UVRAG: variants seen among roughly 807,000 people sequenced by gnomAD.
The protein encoded by UVRAG is UV radiation resistance associated, also known as UV radiation resistance-associated gene protein.
A neutral mutation model predicts 78.0 loss-of-function variants in UVRAG; 19 were observed. The ratio of observed to expected loss-of-function variants is 0.24; its 90% CI spans 0.17 to 0.36. The LOEUF (loss-of-function observed/expected upper bound fraction) is 0.36. Among genes scored for constraint, UVRAG ranks in the 10% least tolerant of loss-of-function variants. The pLI, the probability that UVRAG is intolerant of heterozygous loss-of-function variation, is 1.00. For missense variants in UVRAG, 740 were observed against 853.8 expected (o/e 0.87, Z 1.66); for synonymous variants, 323 against 324.6 (o/e 1.00, Z 0.05).
Position 75,815,412 on chromosome 11 carries a change from G to C in UVRAG, c.5G>C (p.Ser2Thr). 8.0e-7 allele frequency: 1 copy of C among 1,247,392 alleles called. No homozygotes were observed. The allele number at this position is 1,247,392 out of a possible 1,614,324, so 77.3% of individuals were successfully genotyped here. MSASASVGGPVP... is the reference protein window; with the variant it reads MTASASVGGPVP... The stretch of plus-strand genomic sequence containing the variant: ...CTTGGCGGCCCCTGGATCGAGATGA[G>C]CGCCTCCGCGTCGGTCGGGGGCCCC... Residue 2 changes from serine (S) to threonine (T), a missense_variant, in exon 1 of 15, where the codon AGC (serine) becomes ACC (threonine). Coordinates refer to ENST00000356136, the MANE Select transcript of UVRAG (RefSeq NM_003369.4).
chr11:76,134,029 C>T (rs576202160), intron 14 of UVRAG, among the ~76,000 whole-genome samples: 11 of 150,600 alleles, frequency 7.3e-5, no homozygotes, highest in South Asian at 2.1e-4. Context: ...TCTCGGTTCA[C>T]GCAACCTCCA....
At chr11:75,902,976 T>TC (rs1194850632) in intron 5 of UVRAG, among the ~76,000 whole-genome samples, 3 of 152,250 alleles carry the variant, frequency 2.0e-5, no homozygotes, top group Admixed American at 2.0e-4. Flanking sequence ...GCTAGATGTG[T>TC]CCAACTCTCT....
chr11:76,012,837 GTGTGTGTGTGTT>G (rs1382915507), intron 11 of UVRAG: 1 of 149,068 alleles, frequency 6.7e-6, no homozygotes, highest in Non-Finnish European at 1.5e-5. Context: ...GTGTGTGTGT[GTGTGTGTGTGTT>G]TAAGTAATCC....
At chr11:75,883,383 G>GAAAAGAAAAAAAAAAAAAAAAA (rs1946996380) in intron 4 of UVRAG, among the ~76,000 whole-genome samples, 2 of 105,824 alleles carry the variant, frequency 1.9e-5, no homozygotes, top group Non-Finnish European at 4.0e-5. Flanking sequence ...AAAAAAAAAA[G>GAAAAGAAAAAAAAAAAAAAAAA]AAAAGAAAAA....
intron 4 of UVRAG, among the ~76,000 whole-genome samples, chr11:75,881,959 T>G (rs1469133304): frequency 6.6e-6 from 1 of 152,160 alleles, no homozygotes; most frequent in Non-Finnish European, 1.5e-5. Flanking sequence ...CCTGGCTGAT[T>G]TAAAAATTCA....
At chr11:75,826,234 C>T (rs1447429767) in intron 1 of UVRAG, among the ~76,000 whole-genome samples, 1 of 152,194 alleles carries the variant, frequency 6.6e-6, no homozygotes, top group Non-Finnish European at 1.5e-5. Flanking sequence ...TGGCTCACTG[C>T]AACCTCTGTC....
In UVRAG at chr11:76,130,099, C is replaced by G. The variant is rs567486833; in HGVS notation, c.1398-10612C>G. Among the ~76,000 whole-genome samples, 3 of 152,274 alleles carry G rather than the reference C, an allele frequency of 2.0e-5. No individual in the cohort carries two copies. In the South Asian group the frequency reaches 6.2e-4, roughly 32 times the overall value. On this transcript the variant is annotated intron_variant, in intron 14 of 14. Transcript: ENST00000356136. Reference sequence around the variant, plus strand: ...TGGGTCCTCAAACATTGTTATCTTTCTTGATAAAAGGTCTTAGCAAATGCT... The same window carrying G: ...TGGGTCCTCAAACATTGTTATCTTTGTTGATAAAAGGTCTTAGCAAATGCT...
At chr11:75,945,788 CT>C (rs1200697806) in intron 6 of UVRAG, among the ~76,000 whole-genome samples, 3 of 151,770 alleles carry the variant, frequency 2.0e-5, no homozygotes, top group Non-Finnish European at 4.4e-5. Context: ...GTTAGGGTAC[CT>C]TTTTTTTGTT....
chr11:76,053,344 A>ACACACACACACACACACACACACACAC lies in UVRAG; in HGVS notation c.1227-12366_1227-12365insCACACACACACACACACACACACACAC, dbSNP rs60133924. Among the ~76,000 whole-genome samples the ACACACACACACACACACACACACACAC allele has an allele frequency of 2.3e-3, 322 of 142,368 alleles. 2 individuals carry two copies. The highest frequency in any genetic ancestry group is 3.7e-3 in the African/African-American group (136 of 36,872). The allele number at this position is 142,368 out of a possible 152,430, so 93.4% of individuals were successfully genotyped here. ...ACACACACACACACACACACACACAAAAATAAATATGCACCTGCTCCTTCT... is the reference window on the plus strand; with the variant it reads ...ACACACACACACACACACACACACAACACACACACACACACACACACACACACAAATAAATATGCACCTGCTCCTTCT... On this transcript the variant is annotated intron_variant, in intron 12 of 14. Coordinates refer to ENST00000356136, the MANE Select transcript of UVRAG (RefSeq NM_003369.4).
At chr11:75,941,488 TATTTGC>T (rs1178170429) in intron 6 of UVRAG, among the ~76,000 whole-genome samples, 1 of 152,156 alleles carries the variant, frequency 6.6e-6, no homozygotes, top group Admixed American at 6.6e-5. Flanking sequence ...CTTTTTGGAA[TATTTGC>T]ATTATACTTA....
intron 6 of UVRAG, among the ~76,000 whole-genome samples, chr11:75,952,796 C>T (rs953443580): frequency 2.0e-5 from 3 of 151,836 alleles, no homozygotes; most frequent in Non-Finnish European, 4.4e-5. Flanking sequence ...GTCATGTTGA[C>T]CTCATGAAAC....
intron 1 of UVRAG, among the ~76,000 whole-genome samples, chr11:75,817,150 T>TGTA (rs1268735285): frequency 6.6e-6 from 1 of 151,964 alleles, no homozygotes; most frequent in East Asian, 1.9e-4. Context: ...ATGTGAGTTT[T>TGTA]TGTATGTGTG....
At chr11:75,905,153 A>G (rs1242766928) in intron 5 of UVRAG, among the ~76,000 whole-genome samples, 1 of 152,208 alleles carries the variant, frequency 6.6e-6, no homozygotes, top group Non-Finnish European at 1.5e-5. Flanking sequence ...TCTCCTGAGA[A>G]TCTTAAATCT....
intron 11 of UVRAG, 42 bp from the exon 12 acceptor site, chr11:76,016,773 G>C (rs1447593796): frequency 6.6e-7 from 1 of 1,508,790 alleles, no homozygotes; most frequent in Non-Finnish European, 8.9e-7. Flanking sequence ...TTATTTATAA[G>C]GTAAATAGTT....
At chr11:75,880,317 G>A (rs1364481062) in intron 4 of UVRAG, among the ~76,000 whole-genome samples, 1 of 152,206 alleles carries the variant, frequency 6.6e-6, no homozygotes, top group Non-Finnish European at 1.5e-5. Flanking sequence ...AGGAAAGAAT[G>A]TGCTTTCTCA....
At chr11:75,916,731 C>A (rs576760987) in intron 6 of UVRAG, 2 of 152,288 alleles carry the variant, frequency 1.3e-5, no homozygotes, top group African/African-American at 2.4e-5. Flanking sequence ...TAGAGTGTTT[C>A]AAGGATAGTT....
At chr11:76,094,950 G>A (rs946265159) in intron 13 of UVRAG, among the ~76,000 whole-genome samples, 5 of 152,060 alleles carry the variant, frequency 3.3e-5, no homozygotes, top group African/African-American at 4.8e-5. Flanking sequence ...CAGTCATCCC[G>A]CTTTAAAGTA....
intron 1 of UVRAG, among the ~76,000 whole-genome samples, chr11:75,844,691 GA>G (rs1945997024): frequency 1.1e-5 from 1 of 92,116 alleles, no homozygotes; most frequent in African/African-American, 3.9e-5. Context: ...TTTTTTTTTT[GA>G]GACAAGGCCT....
At chr11:75,854,787 A>G (rs1334870574) in intron 2 of UVRAG, among the ~76,000 whole-genome samples, 1 of 152,206 alleles carries the variant, frequency 6.6e-6, no homozygotes, top group Non-Finnish European at 1.5e-5. Flanking sequence ...AAGAAAATGA[A>G]ACAATTTGGC....
Sources: gnomAD v4.1 joint callset for allele counts (sites outside exome capture counted in the v4.1 genomes callset) on GRCh38, gnomAD v4.1.1 for gene constraint, MANE v1.5 for transcripts, NCBI Gene and HGNC (gene_info 2026-07-23, HGNC 2026-07-21) for gene names.